The following NELL1 variants were observed in gnomAD, a reference collection of about 807,000 sequenced individuals.
NELL1 encodes neural EGFL like 1, also known as protein kinase C-binding protein NELL1.
A neutral mutation model predicts 107.4 loss-of-function variants in NELL1; 76 were observed. That is an observed-to-expected ratio of 0.71 (90% CI 0.59 to 0.86). The LOEUF (loss-of-function observed/expected upper bound fraction) is 0.86. Ranked by LOEUF, NELL1 falls within the 40% of genes least tolerant of loss-of-function variation. The pLI is 0.00. For missense variants in NELL1, 1,024 were observed against 1,005.5 expected, an observed-to-expected ratio of 1.02 and a Z score of -0.25; for synonymous variants, 353 against 341.2, an observed-to-expected ratio of 1.03 and a Z score of -0.38.
chr11:21,483,749 G>A (rs1854549822), intron 15 of NELL1, among the ~76,000 whole-genome samples: 1 of 150,716 alleles, frequency 6.6e-6, no homozygotes, highest in East Asian at 1.9e-4. Context: ...AAGTAAACAA[G>A]TATTTAGCAT....
chr11:20,764,894 A>T (rs1452793191), intron 2 of NELL1, among the ~76,000 whole-genome samples: 1 of 151,980 alleles, frequency 6.6e-6, no homozygotes, highest in Non-Finnish European at 1.5e-5. Context: ...GGGAAGGATG[A>T]CTCATGCCTG....
At chr11:20,697,131 A>G (rs1378998843) in intron 2 of NELL1, among the ~76,000 whole-genome samples, 3 of 152,206 alleles carry the variant, frequency 2.0e-5, no homozygotes, top group African/African-American at 7.2e-5. Flanking sequence ...GGTGCCGGGA[A>G]AAGAATGAGT....
At chr11:21,426,927 G>A (rs1219352550) in intron 15 of NELL1, among the ~76,000 whole-genome samples, 1 of 152,144 alleles carries the variant, frequency 6.6e-6, no homozygotes, top group Non-Finnish European at 1.5e-5. Context: ...GGGAGAATCT[G>A]AAATTGCAAG....
chr11:21,443,300 A>G (rs1426359739), intron 15 of NELL1, among the ~76,000 whole-genome samples: 2 of 152,084 alleles, frequency 1.3e-5, no homozygotes, highest in East Asian at 1.9e-4. Flanking sequence ...GACCTAGTCA[A>G]CTCTTGAAGA....
At chr11:21,231,553 C>G (rs1314654830) in intron 14 of NELL1, among the ~76,000 whole-genome samples, 1 of 152,114 alleles carries the variant, frequency 6.6e-6, no homozygotes, top group Non-Finnish European at 1.5e-5. Context: ...ATCTGAGGAG[C>G]AACATAGGGA....
Position 20,862,766 on chromosome 11 carries a change from T to A in NELL1, c.506+15013T>A, listed in dbSNP as rs144347707. Among the ~76,000 whole-genome samples the A allele has an allele frequency of 2.6e-4, 39 of 152,220 alleles. No homozygotes were observed. In the East Asian group the frequency reaches 5.8e-3, roughly 23 times the overall value. ...GAGGACCCTGGCCTTCCGCAGTGTT[T>A]GTGTCCCTGCGTACTTGAGATTAGG... On this transcript the variant is annotated intron_variant, in intron 4 of 19. Transcript: ENST00000357134.
intron 3 of NELL1, among the ~76,000 whole-genome samples, chr11:20,784,556 A>G (rs1219826120): frequency 1.3e-5 from 2 of 152,018 alleles, no homozygotes; most frequent in African/African-American, 4.8e-5. Context: ...TGGGGCTGGT[A>G]TTATAGAGGT....
At chr11:21,097,546 AG>A (rs139169951) in intron 12 of NELL1, among the ~76,000 whole-genome samples, 7,464 of 152,056 alleles carry the variant, frequency 0.049, 558 homozygotes, top group African/African-American at 0.17. Flanking sequence ...GGGGGATGTG[AG>A]GTACAGAGGT....
chr11:21,035,658 GA>G (rs1853073441), intron 12 of NELL1, among the ~76,000 whole-genome samples: 3 of 152,022 alleles, frequency 2.0e-5, no homozygotes, highest in Non-Finnish European at 2.9e-5. Flanking sequence ...AATAGATGCA[GA>G]AAAAGCTTTC....
intron 5 of NELL1, among the ~76,000 whole-genome samples, chr11:20,886,688 A>G (rs1849515884): frequency 6.6e-6 from 1 of 152,180 alleles, no homozygotes; most frequent in Admixed American, 6.5e-5. Context: ...AACATCATAC[A>G]CTGGGGCTGG....
At chr11:20,963,133 G>A (rs1297312871) in intron 12 of NELL1, among the ~76,000 whole-genome samples, 1 of 152,074 alleles carries the variant, frequency 6.6e-6, no homozygotes, top group East Asian at 1.9e-4. Flanking sequence ...CTCTAAGAAT[G>A]GTACCCTCAC....
At chr11:21,381,945 A>G (rs1190970369) in intron 15 of NELL1, among the ~76,000 whole-genome samples, 1 of 78,818 alleles carries the variant, frequency 1.3e-5, no homozygotes, top group Non-Finnish European at 2.4e-5. Context: ...GCTATTGTTT[A>G]CTTCTCATCT....
At chr11:21,310,943 A>G (rs1849736929) in intron 14 of NELL1, among the ~76,000 whole-genome samples, 1 of 152,122 alleles carries the variant, frequency 6.6e-6, no homozygotes, top group Non-Finnish European at 1.5e-5. Context: ...TCTGTCATTC[A>G]AGTTGACTGA....
chr11:21,029,138 T>C (rs1852891664), intron 12 of NELL1, among the ~76,000 whole-genome samples: 1 of 152,134 alleles, frequency 6.6e-6, no homozygotes, highest in Admixed American at 6.6e-5. Context: ...AAGGATGTGC[T>C]TGCTCTGCTA....
At chr11:21,567,148 C>T (rs1386009082) in intron 17 of NELL1, among the ~76,000 whole-genome samples, 1 of 151,820 alleles carries the variant, frequency 6.6e-6, no homozygotes, top group Admixed American at 6.6e-5. Flanking sequence ...CATGATCCTT[C>T]TACACTTGGG....
chr11:21,489,001 G>T (rs1009016418), intron 15 of NELL1, among the ~76,000 whole-genome samples: 1 of 151,432 alleles, frequency 6.6e-6, no homozygotes, highest in Non-Finnish European at 1.5e-5. Flanking sequence ...TGAATAGCTC[G>T]TTCTTTAAAA....
intron 15 of NELL1, among the ~76,000 whole-genome samples, chr11:21,440,375 G>T (rs1485556872): frequency 6.6e-6 from 1 of 151,500 alleles, no homozygotes. Context: ...GCAACCTAAA[G>T]GTATTTTTAT....
intron 12 of NELL1, among the ~76,000 whole-genome samples, chr11:21,069,915 A>T (rs1306520482): frequency 6.6e-6 from 1 of 152,170 alleles, no homozygotes; most frequent in Non-Finnish European, 1.5e-5. Flanking sequence ...AAATGTGTGG[A>T]CACAATGTCC....
rs371946062 is a variant in NELL1, at chr11:21,327,600, C to T, written c.1550-43253C>T. 1.8e-3 allele frequency among the ~76,000 whole-genome samples: 277 copies of T among 152,120 alleles called. 9 individuals carry two copies. In the South Asian group the frequency reaches 0.054, roughly 29 times the overall value. On this transcript the variant is annotated intron_variant, in intron 14 of 19. Transcript: ENST00000357134. ...TAAATTTGTACTGTGTAGTGGGGCA[C>T]CACTGGAAAGATACCCAAAAATGTG...
Sources: allele counts gnomAD v4.1 joint callset (sites outside exome capture counted in the v4.1 genomes callset), GRCh38; gene constraint gnomAD v4.1.1; transcripts MANE v1.5; gene names NCBI Gene and HGNC (gene_info 2026-07-23, HGNC 2026-07-21).